YY1: variants seen among roughly 807,000 people sequenced by gnomAD.
The protein encoded by YY1 is YY1 transcription factor, also known as transcriptional repressor protein YY1.
In YY1, 2 loss-of-function variants were observed where a neutral mutation model predicts 35.6. The observed-to-expected ratio is 0.06, with a 90% CI of 0.02 to 0.18. YY1 has a LOEUF of 0.18. YY1 is among the 10% of genes least tolerant of loss of function. YY1 has a pLI of 1.00. For missense variants in YY1, 322 were observed against 573.4 expected, an observed-to-expected ratio of 0.56 and a Z score of 4.48; for synonymous variants, 268 against 238.9, an observed-to-expected ratio of 1.12 and a Z score of -1.12.
At chr14:100,257,034 G>C (rs1891015502) in intron 1 of YY1, among the ~76,000 whole-genome samples, 1 of 151,900 alleles carries the variant, frequency 6.6e-6, no homozygotes. Flanking sequence ...CCATCCTGAG[G>C]GTTCTTGATA....
At chr14:100,274,950 A>G (rs1458925932) in intron 3 of YY1, among the ~76,000 whole-genome samples, 192 bp downstream of exon 3, 1 of 152,180 alleles carries the variant, frequency 6.6e-6, no homozygotes, top group South Asian at 2.1e-4. Context: ...GTTAAATGGG[A>G]TGACTGCAGG....
Position 100,277,967 on chromosome 14 carries a change from C to A in YY1, c.*367C>A. 1 of 227,632 alleles carries A rather than the reference C, an allele frequency of 4.4e-6. No individual in the cohort carries two copies. The highest frequency in any genetic ancestry group is 8.8e-6 in the Non-Finnish European group (1 of 113,948). 14.1% of individuals were successfully genotyped at this position (227,632 alleles called of 1,614,324 possible). A position where few individuals can be genotyped will look rare whatever the true frequency, so the allele number is the denominator to read the frequency against. Reference sequence around the variant, plus strand: ...AAATATGAAGCTCACCTGTTGCTTACAATTTTTTTAATTTTGTATTTTCCA... The same window carrying A: ...AAATATGAAGCTCACCTGTTGCTTAAAATTTTTTTAATTTTGTATTTTCCA... On this transcript the variant is annotated 3_prime_UTR_variant, in exon 5 of 5. Coordinates refer to ENST00000262238, the MANE Select transcript of YY1 (RefSeq NM_003403.5). The surrounding 1 kb of genome is among the most constrained non-coding windows in gnomAD (Gnocchi z 5.6).
At chr14:100,262,057 G>A (rs1230074414) in intron 1 of YY1, among the ~76,000 whole-genome samples, 1 of 152,148 alleles carries the variant, frequency 6.6e-6, no homozygotes, top group East Asian at 1.9e-4. Context: ...GGCTGAGGTG[G>A]GGGGATTGCT....
chr14:100,261,413 C>G (rs530243406), intron 1 of YY1, among the ~76,000 whole-genome samples: 1 of 152,114 alleles, frequency 6.6e-6, no homozygotes, highest in African/African-American at 2.4e-5. Flanking sequence ...TGGTCTCAAA[C>G]TCCTGATTGC....
intron 1 of YY1, among the ~76,000 whole-genome samples, chr14:100,240,896 T>G (rs531433321): frequency 4.7e-4 from 72 of 152,366 alleles, no homozygotes; most frequent in African/African-American, 1.7e-3. Context: ...TAGTTTAATT[T>G]TAAGCCTTTA....
intron 1 of YY1, among the ~76,000 whole-genome samples, chr14:100,246,822 T>C (rs1209234116): frequency 6.6e-6 from 1 of 152,206 alleles, no homozygotes; most frequent in Non-Finnish European, 1.5e-5. Flanking sequence ...TGAATTTCCA[T>C]GGAGCCAAGC....
intron 2 of YY1, among the ~76,000 whole-genome samples, chr14:100,272,468 G>C (rs1426328487): frequency 6.6e-6 from 1 of 152,126 alleles, no homozygotes; most frequent in East Asian, 1.9e-4. Flanking sequence ...CATGTGTTCA[G>C]GTTACAGATC....
In YY1 at chr14:100,239,408, G is replaced by C; in HGVS notation, c.164G>C (p.Gly55Ala). The change falls in exon 1 of 5, where the codon GGC becomes GCC. Residue 55 changes from glycine to alanine, a missense_variant. By Grantham distance (60) the Gly-to-Ala change is moderately conservative. This residue lies in a region of YY1 where 137 missense variants were observed against 167.0 expected (regional missense o/e 0.82). Transcript: ENST00000262238. ...GAGGACGACGACGACGAGGACGGCG[G>C]CGGTGGCGACCACGGCGGCGGGGGC... is the stretch of plus-strand genomic sequence containing the variant. ...EEEDDDDEDGGGGDHGGGGGH... is the reference protein window; with the variant it reads ...EEEDDDDEDGAGGDHGGGGGH... 6.3e-7 allele frequency: 1 copy of C among 1,597,000 alleles called. No individual in the cohort carries two copies. Among genetic ancestry groups the C allele is most frequent in the Non-Finnish European group, 8.5e-7 (1 of 1,172,990 alleles).
chr14:100,261,139 A>G (rs1275634316), intron 1 of YY1, among the ~76,000 whole-genome samples: 8 of 152,018 alleles, frequency 5.3e-5, no homozygotes, highest in African/African-American at 1.7e-4. Context: ...AGTAAGACAT[A>G]CAAATAGAGA....
At chr14:100,249,975 G>C (rs2139575065) in intron 1 of YY1, among the ~76,000 whole-genome samples, 1 of 152,176 alleles carries the variant, frequency 6.6e-6, no homozygotes, top group East Asian at 1.9e-4. Context: ...GTTTCTGCAT[G>C]TTGGTCAGGC....
Position 100,254,775 on chromosome 14 carries a change from A to T in YY1, c.680-7529A>T, listed in dbSNP as rs1004861978. ...CCTAGCCTATTTTATTTATTTATTT[A>T]TTTTTTTTTTTTTTTGAGTCGAAGT... On this transcript the variant is annotated intron_variant, in intron 1 of 4. Transcript: ENST00000262238. Among the ~76,000 whole-genome samples the T allele has an allele frequency of 4.1e-3, 591 of 144,438 alleles. 6 individuals are homozygous for T. The highest frequency in any genetic ancestry group is 0.013 in the African/African-American group (505 of 38,024). 94.8% of individuals were successfully genotyped at this position (144,438 alleles called of 152,430 possible). A position where few individuals can be genotyped will look rare whatever the true frequency, so the allele number is the denominator to read the frequency against.
At chr14:100,274,907 T>C (rs981520074) in intron 3 of YY1, 149 bp downstream of exon 3, 1 of 880,162 alleles carries the variant, frequency 1.1e-6, no homozygotes, top group Non-Finnish European at 1.8e-6. Context: ...AGATGAAGTT[T>C]TGTTATTTAG....
chr14:100,268,652 C>T (rs575331994), intron 2 of YY1, among the ~76,000 whole-genome samples: 1 of 152,300 alleles, frequency 6.6e-6, no homozygotes, highest in South Asian at 2.1e-4. Context: ...AGTATCATCA[C>T]ATGAATATTA....
At chr14:100,242,849 A>G (rs1382434071) in intron 1 of YY1, among the ~76,000 whole-genome samples, 3 of 151,938 alleles carry the variant, frequency 2.0e-5, no homozygotes, top group African/African-American at 7.3e-5. Context: ...CCCGGATTCA[A>G]GGGATTCTCA....
At chr14:100,274,834 T>A (rs1414161593) in intron 3 of YY1, 76 bp downstream of exon 3, 1 of 1,311,060 alleles carries the variant, frequency 7.6e-7, no homozygotes, top group Non-Finnish European at 1.1e-6. Context: ...TTTGCACTTT[T>A]GTTTCTGCTT....
chr14:100,262,440 T>C lies in YY1; in HGVS notation c.816T>C (p.Asp272=). 1 of 1,614,158 alleles carries C rather than the reference T, an allele frequency of 6.2e-7. No homozygotes were observed. Among genetic ancestry groups the C allele is most frequent in the Non-Finnish European group, 8.5e-7 (1 of 1,180,012 alleles). Residue 272 remains aspartate, a synonymous_variant, in exon 2 of 5, where the codon GAT becomes GAC. Coordinates refer to ENST00000262238, the MANE Select transcript of YY1 (RefSeq NM_003403.5). ...GAATACCTGGCATTGACCTCTCAGA[T>C]CCCAAACAACTGGCAGAATTTGCTA... is the stretch of plus-strand genomic sequence containing the variant. ...PGGIPGIDLS[D]PKQLAEFARM...
At chr14:100,241,978 AG>A (rs5810986) in intron 1 of YY1, among the ~76,000 whole-genome samples, 48,095 of 87,554 alleles carry the variant, frequency 0.55, 11,954 homozygotes, top group Middle Eastern at 0.74. Flanking sequence ...CTGTCTCAAA[AG>A]GGGGGGGGGG....
chr14:100,248,182 C>G (rs991282909), intron 1 of YY1, among the ~76,000 whole-genome samples: 2 of 138,882 alleles, frequency 1.4e-5, no homozygotes, highest in African/African-American at 5.5e-5. Flanking sequence ...GTGGCGCGAT[C>G]TCGGCTCACT....
At chr14:100,241,635 AT>A (rs772139344) in intron 1 of YY1, among the ~76,000 whole-genome samples, 19 of 152,324 alleles carry the variant, frequency 1.2e-4, no homozygotes, top group Middle Eastern at 3.4e-3. Context: ...ATTTCCATGT[AT>A]TTTGGTAGCT....
Sources: allele counts gnomAD v4.1 joint callset (sites outside exome capture counted in the v4.1 genomes callset), GRCh38; gene constraint gnomAD v4.1.1; regional missense constraint gnomAD v4.1.1; non-coding constraint Gnocchi (gnomAD v3.1); transcripts MANE v1.5; gene names NCBI Gene and HGNC (gene_info 2026-07-23, HGNC 2026-07-21).